The following MPDZ variants were observed in gnomAD, a reference collection of about 807,000 sequenced individuals.
The protein encoded by MPDZ is multiple PDZ domain protein.
MPDZ carries 234 observed loss-of-function variants against 239.1 expected under a neutral mutation model. That is an observed-to-expected ratio of 0.98 (90% CI 0.88 to 1.09). The LOEUF is 1.09. MPDZ is among the 50% of genes least tolerant of loss of function. The pLI is 0.00. For missense variants in MPDZ, 3,175 were observed against 2,510.0 expected (o/e 1.26, Z -5.66); for synonymous variants, 1,048 against 881.3 (o/e 1.19, Z -3.35).
intron 23 of MPDZ, among the ~76,000 whole-genome samples, chr9:13,159,328 C>T (rs1180059712): frequency 2.0e-5 from 3 of 152,088 alleles, no homozygotes; most frequent in Non-Finnish European, 4.4e-5. Context: ...TTGAATTTCC[C>T]TCCTGTGCAA....
At chr9:13,274,781 G>A (rs959352499) in intron 1 of MPDZ, among the ~76,000 whole-genome samples, 9 of 151,960 alleles carry the variant, frequency 5.9e-5, no homozygotes, top group African/African-American at 2.2e-4. Flanking sequence ...GGAATTTAAA[G>A]AATAAATTCT....
intron 35 of MPDZ, among the ~76,000 whole-genome samples, chr9:13,124,716 A>G (rs1944868249): frequency 6.6e-6 from 1 of 152,326 alleles, no homozygotes; most frequent in African/African-American, 2.4e-5. Flanking sequence ...GATCATGGCA[A>G]TGACTAAAGA....
intron 1 of MPDZ, among the ~76,000 whole-genome samples, chr9:13,277,817 G>A (rs10960996): frequency 6.6e-6 from 1 of 152,050 alleles, no homozygotes; most frequent in Non-Finnish European, 1.5e-5. Context: ...CACCCACCTC[G>A]GTCTCCCAAA....
At chr9:13,274,770 TG>T (rs1269756485) in intron 1 of MPDZ, among the ~76,000 whole-genome samples, 2 of 152,174 alleles carry the variant, frequency 1.3e-5, no homozygotes, top group Non-Finnish European at 2.9e-5. Context: ...TTTAGATCAA[TG>T]GAATTTAAAG....
Position 13,224,517 on chromosome 9 carries a change from CA to C in MPDZ, c.249del (p.Val84Ter). The C allele has an allele frequency of 1.2e-6, 2 of 1,612,754 alleles. No homozygotes were observed. Among genetic ancestry groups the C allele is most frequent in the Non-Finnish European group, 1.7e-6 (2 of 1,179,224 alleles). ...GATTCATTTTGCAGAGTAGGAATCA[CA>C]GCTGGGCTGAGATGAGGAACGTGGG... is the stretch of plus-strand genomic sequence containing the variant. ...EYAHVPHLSP[A>X]VIPTLQNESF... On this transcript the variant is annotated frameshift_variant, in exon 4 of 47. Transcript: ENST00000319217. LOFTEE classifies it high-confidence loss of function.
At chr9:13,195,916 T>C (rs531190421) in intron 13 of MPDZ, among the ~76,000 whole-genome samples, 13 of 152,260 alleles carry the variant, frequency 8.5e-5, no homozygotes, top group African/African-American at 2.9e-4. Flanking sequence ...AAAACTTCCA[T>C]CCCATTTATT....
chr9:13,193,361 T>C (rs1053690015), intron 13 of MPDZ, 48 bp from the exon 14 acceptor site: 1 of 1,544,202 alleles, frequency 6.5e-7, no homozygotes, highest in Admixed American at 1.9e-5. Flanking sequence ...ATTCTTTTTA[T>C]TTTTACTCAT....
At position 13,122,132 on chromosome 9, in the gene MPDZ, T is replaced by C; in HGVS notation, c.4992A>G (p.Ala1664=). The C allele has an allele frequency of 6.2e-7, 1 of 1,614,056 alleles. No homozygotes were observed. Among genetic ancestry groups the C allele is most frequent in the Non-Finnish European group, 8.5e-7 (1 of 1,179,946 alleles). ...IIIHEVYEEG[A]ACKDGRLWAG... is the part of the protein sequence containing the mutation. ...CCCAGAGTCTTCCATCTTTACATGC[T>C]GCTCCTTCTTCATAAACTTCATGGA... is the stretch of plus-strand genomic sequence containing the variant. The change falls in exon 37 of 47, where the codon GCA becomes GCG. Residue 1664 remains alanine, a synonymous_variant. Coordinates refer to ENST00000319217, the MANE Select transcript of MPDZ (RefSeq NM_001378778.1).
At chr9:13,207,162 C>T (rs1380143739) in intron 10 of MPDZ, among the ~76,000 whole-genome samples, 2 of 152,160 alleles carry the variant, frequency 1.3e-5, no homozygotes, top group East Asian at 3.9e-4. Flanking sequence ...AAAAAAGTGT[C>T]CTGTCTATTT....
At chr9:13,130,446 C>T (rs1257570940) in intron 32 of MPDZ, among the ~76,000 whole-genome samples, 2 of 1,970 alleles carry the variant, frequency 1.0e-3, no homozygotes, top group South Asian at 0.12. Flanking sequence ...ACTCTTCCTT[C>T]GCAGATACTT....
At chr9:13,185,191 G>A (rs934087674) in intron 18 of MPDZ, among the ~76,000 whole-genome samples, 19 of 151,960 alleles carry the variant, frequency 1.3e-4, no homozygotes, top group African/African-American at 4.6e-4. Flanking sequence ...TACCTGGTAT[G>A]TTAAGTATTA....
chr9:13,197,601 T>C (rs1237308680), intron 12 of MPDZ, among the ~76,000 whole-genome samples: 1 of 152,198 alleles, frequency 6.6e-6, no homozygotes, highest in East Asian at 1.9e-4. Flanking sequence ...ATTATATTTT[T>C]TGTGTGTGTT....
chr9:13,136,079 A>T lies in MPDZ; in HGVS notation c.4383+13T>A. 1 of 1,547,190 alleles carries T rather than the reference A, an allele frequency of 6.5e-7. No homozygotes were observed. Among genetic ancestry groups the T allele is most frequent in the Non-Finnish European group, 8.9e-7 (1 of 1,124,380 alleles). The stretch of plus-strand genomic sequence containing the variant: ...CAAGTCTTCCCAGAGAAACAAACAT[A>T]AGTTACATATACCTCCTTATTTTGA... On this transcript the variant is annotated intron_variant, in intron 31 of 46. Coordinates refer to ENST00000319217, the MANE Select transcript of MPDZ (RefSeq NM_001378778.1).
intron 18 of MPDZ, among the ~76,000 whole-genome samples, chr9:13,185,825 C>A (rs1417632805): frequency 3.3e-5 from 5 of 151,966 alleles, no homozygotes; most frequent in Admixed American, 6.6e-5. Flanking sequence ...TTCCATAAAA[C>A]TGGTGTTCTT....
chr9:13,240,848 T>C (rs907435056), intron 3 of MPDZ, among the ~76,000 whole-genome samples: 12 of 152,096 alleles, frequency 7.9e-5, no homozygotes, highest in African/African-American at 2.9e-4. Context: ...TAGTCTTAAA[T>C]TTGGAGGTTA....
At chr9:13,207,070 T>A (rs1315540297) in intron 10 of MPDZ, among the ~76,000 whole-genome samples, 1 of 152,152 alleles carries the variant, frequency 6.6e-6, no homozygotes, top group East Asian at 1.9e-4. Flanking sequence ...TTAAAAGGTA[T>A]AGAAGACAGT....
intron 17 of MPDZ, among the ~76,000 whole-genome samples, chr9:13,188,526 T>A (rs1393216358): frequency 6.6e-6 from 1 of 151,980 alleles, no homozygotes; most frequent in Non-Finnish European, 1.5e-5. Context: ...AATCAATCAA[T>A]CAATCAATCA....
At chr9:13,118,125 T>C (rs1943777592) in intron 39 of MPDZ, among the ~76,000 whole-genome samples, 1 of 152,218 alleles carries the variant, frequency 6.6e-6, no homozygotes, top group South Asian at 2.1e-4. Flanking sequence ...ATTACAGGCA[T>C]GAGCCACCAC....
At chr9:13,242,124 A>C (rs910714732) in intron 3 of MPDZ, among the ~76,000 whole-genome samples, 2 of 151,782 alleles carry the variant, frequency 1.3e-5, no homozygotes, top group African/African-American at 2.4e-5. Flanking sequence ...GCATTATTTT[A>C]AAGAACAATT....
Sources: gnomAD v4.1 joint callset for allele counts (sites outside exome capture counted in the v4.1 genomes callset) on GRCh38, gnomAD v4.1.1 for gene constraint, MANE v1.5 for transcripts, NCBI Gene and HGNC (gene_info 2026-07-23, HGNC 2026-07-21) for gene names.